The following TMEM62 variants were observed in gnomAD, a reference collection of about 807,000 sequenced individuals.
The protein encoded by TMEM62 is transmembrane protein 62.
A neutral mutation model predicts 70.4 loss-of-function variants in TMEM62; 41 were observed. The observed-to-expected ratio is 0.58, with a 90% CI of 0.45 to 0.76. The LOEUF (loss-of-function observed/expected upper bound fraction) is 0.76, where lower values mean the gene tolerates loss of function less well. Among genes scored for constraint, TMEM62 ranks in the 30% least tolerant of loss-of-function variants. The probability of loss-of-function intolerance (pLI) is 0.00; values close to 1 mark genes in which losing one functional copy is unlikely to be tolerated. For missense variants in TMEM62, 688 were observed against 788.5 expected (o/e 0.87, Z 1.53); for synonymous variants, 268 against 291.0 (o/e 0.92, Z 0.80).
At chr15:43,146,711 A>G in intron 5 of TMEM62, 77 bp downstream of exon 5, 2 of 1,268,116 alleles carry the variant, frequency 1.6e-6, no homozygotes, top group Non-Finnish European at 2.1e-6. Flanking sequence ...AAAGTTATCA[A>G]AAGTAAACTA....
intron 4 of TMEM62, among the ~76,000 whole-genome samples, chr15:43,139,255 G>C (rs985434860): frequency 2.6e-5 from 4 of 152,100 alleles, no homozygotes; most frequent in Admixed American, 6.5e-5. Flanking sequence ...TATAAGTCCA[G>C]GAACTTAATC....
chr15:43,158,727 G>A (rs986649745), intron 9 of TMEM62, among the ~76,000 whole-genome samples: 23 of 152,072 alleles, frequency 1.5e-4, no homozygotes, highest in African/African-American at 5.6e-4. Flanking sequence ...CAGATATAAA[G>A]TTCACACACA....
chr15:43,169,690 T>C lies in TMEM62; in HGVS notation c.1381+13T>C. ...CCAGAGCTTAAAGGTTAGTTATGGT[T>C]CCTTTTATTCCTATAAGCCTTGTTC... is the stretch of plus-strand genomic sequence containing the variant. On this transcript the variant is annotated intron_variant, in intron 11 of 13. Transcript: ENST00000260403. 6.2e-7 allele frequency: 1 copy of C among 1,600,698 alleles called. No homozygotes were observed. Among genetic ancestry groups the C allele is most frequent in the Non-Finnish European group, 8.6e-7 (1 of 1,169,438 alleles).
At chr15:43,177,848 TG>T (rs1014596641) in intron 11 of TMEM62, among the ~76,000 whole-genome samples, 1 of 151,192 alleles carries the variant, frequency 6.6e-6, no homozygotes, top group Non-Finnish European at 1.5e-5. Context: ...GGGACTGTTG[TG>T]GGGTGGGGTC....
In TMEM62 at chr15:43,181,436, AT is replaced by A. The variant is rs1202933546; in HGVS notation, c.1605+138del. The A allele has an allele frequency of 1.2e-4, 80 of 656,038 alleles. No homozygotes were observed. In the East Asian group the frequency reaches 2.0e-3, roughly 16 times the overall value. 40.6% of individuals were successfully genotyped at this position (656,038 alleles called of 1,614,324 possible). A position where few individuals can be genotyped will look rare whatever the true frequency, so the allele number is the denominator to read the frequency against. On this transcript the variant is annotated intron_variant, in intron 13 of 13. Coordinates refer to ENST00000260403, the MANE Select transcript of TMEM62 (RefSeq NM_024956.4). Reference sequence around the variant, plus strand: ...TACTTTACTTGCAGGGCAGTCTTTAATAAAAGCTTCATTTGCTTTTAAAGTG... The same window carrying A: ...TACTTTACTTGCAGGGCAGTCTTTAAAAAAGCTTCATTTGCTTTTAAAGTG...
intron 7 of TMEM62, among the ~76,000 whole-genome samples, chr15:43,151,334 AAAAG>A (rs1281870582): frequency 9.4e-4 from 143 of 151,936 alleles, no homozygotes; most frequent in Non-Finnish European, 4.1e-4. Flanking sequence ...AAAAAAAAAA[AAAAG>A]AAAGAAAGGT....
intron 2 of TMEM62, among the ~76,000 whole-genome samples, 179 bp downstream of exon 2, chr15:43,134,547 G>A (rs915591321): frequency 2.0e-5 from 3 of 152,216 alleles, no homozygotes; most frequent in African/African-American, 7.2e-5. Flanking sequence ...AACTGAATGA[G>A]TCAAGATCCA....
At chr15:43,134,428 AG>A in intron 2 of TMEM62, 60 bp downstream of exon 2, 1 of 1,374,458 alleles carries the variant, frequency 7.3e-7, no homozygotes, top group Non-Finnish European at 1.0e-6. Flanking sequence ...AACTCTAGCC[AG>A]GGCTGTGGCT....
At chr15:43,175,344 T>C (rs565118435) in intron 11 of TMEM62, among the ~76,000 whole-genome samples, 2 of 152,336 alleles carry the variant, frequency 1.3e-5, no homozygotes, top group Admixed American at 6.5e-5. Flanking sequence ...TGCTGGTCTT[T>C]TAGCAAAGAC....
chr15:43,140,500 C>T (rs191663292), intron 4 of TMEM62, among the ~76,000 whole-genome samples: 1 of 151,296 alleles, frequency 6.6e-6, no homozygotes, highest in East Asian at 1.9e-4. Flanking sequence ...TCTGAAAGAA[C>T]TCTCCCTCTC....
At chr15:43,182,453 C>CTTTTTTTTTT (rs1216767686) in intron 13 of TMEM62, among the ~76,000 whole-genome samples, 10 of 142,114 alleles carry the variant, frequency 7.0e-5, no homozygotes, top group South Asian at 2.2e-4. Context: ...CTTTTCTTTT[C>CTTTTTTTTTT]TTTTTTTTTT....
At chr15:43,163,786 A>AG (rs1283702830) in intron 10 of TMEM62, among the ~76,000 whole-genome samples, 2 of 151,326 alleles carry the variant, frequency 1.3e-5, no homozygotes, top group African/African-American at 2.4e-5. Context: ...CGTCTCAAAA[A>AG]AAAAACAAAA....
At chr15:43,137,408 A>G (rs1427485047) in intron 3 of TMEM62, among the ~76,000 whole-genome samples, 1 of 152,274 alleles carries the variant, frequency 6.6e-6, no homozygotes, top group Non-Finnish European at 1.5e-5. Context: ...AGTGCCTTAA[A>G]TAAGTTTCTA....
Position 43,138,601 on chromosome 15 carries a change from G to A in TMEM62, c.458G>A (p.Ser153Asn). Residue 153 changes from serine (S) to asparagine (N), a missense_variant, in exon 4 of 14, where the codon AGC becomes AAC. Transcript: ENST00000260403. ...HDAFNIPSLD[S>N]IKNYYRKYSA... is the part of the protein sequence containing the mutation. ...GCATTCAATATTCCAAGTCTGGACA[G>A]CATCAAGAATTATTACAGGTACTGT... The A allele has an allele frequency of 6.3e-7, 1 of 1,599,996 alleles. No homozygotes were observed. Among genetic ancestry groups the A allele is most frequent in the Non-Finnish European group, 8.5e-7 (1 of 1,170,618 alleles).
At chr15:43,167,784 C>T (rs1165344037) in intron 10 of TMEM62, among the ~76,000 whole-genome samples, 4 of 152,078 alleles carry the variant, frequency 2.6e-5, no homozygotes, top group African/African-American at 9.7e-5. Context: ...GCTGGGAGGT[C>T]GAGGTTGTAG....
intron 10 of TMEM62, 109 bp from the exon 11 acceptor site, chr15:43,169,484 C>A: frequency 1.2e-6 from 1 of 866,518 alleles, no homozygotes; most frequent in Non-Finnish European, 1.8e-6. Flanking sequence ...TTTCTTATAT[C>A]ACAGTATCAC....
At chr15:43,157,823 G>A (rs186653934) in intron 9 of TMEM62, among the ~76,000 whole-genome samples, 4 of 152,162 alleles carry the variant, frequency 2.6e-5, no homozygotes, top group African/African-American at 7.2e-5. Flanking sequence ...TTTAATGTTC[G>A]GTTATCCCAA....
chr15:43,138,869 A>G (rs141100789), intron 4 of TMEM62, among the ~76,000 whole-genome samples: 2 of 152,338 alleles, frequency 1.3e-5, no homozygotes, highest in African/African-American at 4.8e-5. Context: ...ATTTTTCTAT[A>G]AAGAATCTCT....
upstream of TMEM62, chr15:43,133,242 G>C (rs1359349025): frequency 6.6e-6 from 1 of 152,236 alleles, no homozygotes. Context: ...GGAAGAGAAA[G>C]AAAAGAAAAC....
Sources: gnomAD v4.1 joint callset for allele counts (sites outside exome capture counted in the v4.1 genomes callset) on GRCh38, gnomAD v4.1.1 for gene constraint, MANE v1.5 for transcripts, NCBI Gene and HGNC (gene_info 2026-07-23, HGNC 2026-07-21) for gene names.